Variants in GRIA2 observed in about 807,000 individuals in gnomAD.
GRIA2 encodes glutamate receptor 2.
A neutral mutation model predicts 97.3 loss-of-function variants in GRIA2; 14 were observed. That is an observed-to-expected ratio of 0.14 (90% CI 0.10 to 0.23). The LOEUF (loss-of-function observed/expected upper bound fraction) is 0.23, where lower values mean the gene tolerates loss of function less well. GRIA2 is among the 10% of genes least tolerant of loss of function. GRIA2 has a pLI of 1.00. For missense variants in GRIA2, 558 were observed against 1,069.8 expected, an observed-to-expected ratio of 0.52 and a Z score of 6.67; for synonymous variants, 412 against 387.8, an observed-to-expected ratio of 1.06 and a Z score of -0.73.
intron 2 of GRIA2, among the ~76,000 whole-genome samples, chr4:157,276,242 G>A (rs561168364): frequency 4.6e-5 from 7 of 152,054 alleles, no homozygotes; most frequent in Admixed American, 4.6e-4. Context: ...AAAGATAGCT[G>A]GAAAATCCCC....
intron 2 of GRIA2, among the ~76,000 whole-genome samples, chr4:157,223,112 A>T (rs1356562020): frequency 6.6e-6 from 1 of 152,182 alleles, no homozygotes; most frequent in Admixed American, 6.5e-5. Flanking sequence ...CCCACGTCAC[A>T]CAAACAACTG....
chr4:157,256,165 A>ATGTT (rs1731235529), intron 2 of GRIA2, among the ~76,000 whole-genome samples: 4 of 138,612 alleles, frequency 2.9e-5, no homozygotes, highest in African/African-American at 1.1e-4. Flanking sequence ...TTACATATAT[A>ATGTT]TGTTATATAT....
chr4:157,312,715 C>G lies in GRIA2; in HGVS notation c.506C>G (p.Ala169Gly). 6.2e-7 allele frequency: 1 copy of G among 1,610,568 alleles called. No homozygotes were observed. The highest frequency in any genetic ancestry group is 8.5e-7 in the Non-Finnish European group (1 of 1,177,836). The change falls in exon 4 of 16, where the codon GCT becomes GGT. Residue 169 changes from alanine to glycine, a missense_variant. By Grantham distance (60) the Ala-to-Gly change is moderately conservative (BLOSUM62 0). Coordinates refer to ENST00000264426, the MANE Select transcript of GRIA2 (RefSeq NM_001083619.3). The part of the protein sequence containing the change: ...STLQAVLDSA[A>G]EKKWQVTAIN... Reference sequence around the variant, plus strand: ...CTGCAAGCTGTGCTGGATTCTGCTGCTGAAAAGAAATGGCAAGTGACTGCT... The same window carrying G: ...CTGCAAGCTGTGCTGGATTCTGCTGGTGAAAAGAAATGGCAAGTGACTGCT...
Position 157,335,655 on chromosome 4 carries a change from A to C in GRIA2, c.1267-16A>C, listed in dbSNP as rs1735249401. 6.7e-7 allele frequency: 1 copy of C among 1,493,838 alleles called. No individual in the cohort carries two copies. Among genetic ancestry groups the C allele is most frequent in the Non-Finnish European group, 9.3e-7 (1 of 1,071,028 alleles). 92.5% of individuals were successfully genotyped at this position (1,493,838 alleles called of 1,614,324 possible). A position where few individuals can be genotyped will look rare whatever the true frequency, so the allele number is the denominator to read the frequency against. The stretch of plus-strand genomic sequence containing the variant: ...ACAGATATTTTAATCAGCTAAAGCA[A>C]AGTCTTTTCATATAGGAATCTCCGT... On this transcript the variant is annotated splice_polypyrimidine_tract_variant and intron_variant, in intron 9 of 15. Transcript: ENST00000264426.
intron 2 of GRIA2, among the ~76,000 whole-genome samples, chr4:157,233,521 G>A (rs1023824341): frequency 6.6e-6 from 1 of 152,098 alleles, no homozygotes; most frequent in Non-Finnish European, 1.5e-5. Flanking sequence ...AAATAGGTTT[G>A]AATGTAATTA....
chr4:157,268,250 A>G (rs1731859008), intron 2 of GRIA2, among the ~76,000 whole-genome samples: 1 of 152,054 alleles, frequency 6.6e-6, no homozygotes, highest in African/African-American at 2.4e-5. Context: ...ATAACAAGTT[A>G]CATATGCCCA....
intron 6 of GRIA2, among the ~76,000 whole-genome samples, chr4:157,327,773 A>C (rs934578812): frequency 6.6e-6 from 1 of 152,140 alleles, no homozygotes; most frequent in African/African-American, 2.4e-5. Flanking sequence ...CATTTTATTC[A>C]GGAAACAACT....
At chr4:157,278,318 C>T (rs1246611245) in intron 2 of GRIA2, among the ~76,000 whole-genome samples, 1 of 151,720 alleles carries the variant, frequency 6.6e-6, no homozygotes. Context: ...GCAATAGACT[C>T]ATATAAGTAT....
At chr4:157,309,971 G>A (rs796308497) in intron 3 of GRIA2, among the ~76,000 whole-genome samples, 18 of 152,300 alleles carry the variant, frequency 1.2e-4, no homozygotes, top group African/African-American at 4.3e-4. Flanking sequence ...ACAAGGGGGA[G>A]TTGAACCATG....
chr4:157,322,756 C>A (rs1370851701), intron 6 of GRIA2, among the ~76,000 whole-genome samples: 1 of 152,096 alleles, frequency 6.6e-6, no homozygotes, highest in Non-Finnish European at 1.5e-5. Context: ...AATTATAAAG[C>A]AATTGTATAT....
At chr4:157,277,912 A>ATATATGTATATATATATGTATATATGTG (rs1732420005) in intron 2 of GRIA2, among the ~76,000 whole-genome samples, 1 of 145,844 alleles carries the variant, frequency 6.9e-6, no homozygotes, top group South Asian at 2.1e-4. Context: ...GTATATATGT[A>ATATATGTATATATATATGTATATATGTG]TATATATGTA....
In GRIA2 at chr4:157,333,232, T is replaced by C; in HGVS notation, c.1051-17T>C. Reference sequence around the variant, plus strand: ...AAGTAAATATATAACTCTGCTGCTTTCCCATTTCTTCATTAGGTTCAGGTT... The same window carrying C: ...AAGTAAATATATAACTCTGCTGCTTCCCCATTTCTTCATTAGGTTCAGGTT... On this transcript the variant is annotated splice_polypyrimidine_tract_variant and intron_variant, in intron 7 of 15. Transcript: ENST00000264426. 7.2e-7 allele frequency: 1 copy of C among 1,390,948 alleles called. No individual in the cohort carries two copies. Among genetic ancestry groups the C allele is most frequent in the Non-Finnish European group, 1.0e-6 (1 of 990,844 alleles). 86.2% of individuals were successfully genotyped at this position (1,390,948 alleles called of 1,614,324 possible).
At chr4:157,288,841 T>C (rs776630130) in intron 2 of GRIA2, among the ~76,000 whole-genome samples, 2 of 151,894 alleles carry the variant, frequency 1.3e-5, no homozygotes, top group Middle Eastern at 3.4e-3. Flanking sequence ...TTTCTGGATG[T>C]TTTGAGGAAA....
rs1218106897 is a variant in GRIA2 at position 157,364,737 on chromosome 4, T to TTA, written c.*1312_*1313dup. On this transcript the variant is annotated 3_prime_UTR_variant, in exon 16 of 16. Coordinates refer to ENST00000264426, the MANE Select transcript of GRIA2 (RefSeq NM_001083619.3). ...AAAATTATAAAAGCTGTCATAAACT[T>TTA]TATATATTATGAATTTTAAAATATG... The TTA allele has an allele frequency of 6.6e-6, 1 of 152,140 alleles. No individual in the cohort carries two copies. The highest frequency in any genetic ancestry group is 2.1e-4 in the South Asian group (1 of 4,830). The allele number at this position is 152,140 out of a possible 1,614,324, so 9.4% of individuals were successfully genotyped here. A position where few individuals can be genotyped will look rare whatever the true frequency, so the allele number is the denominator to read the frequency against.
At chr4:157,353,659 G>C (rs1025002488) in intron 12 of GRIA2, among the ~76,000 whole-genome samples, 1 of 151,898 alleles carries the variant, frequency 6.6e-6, no homozygotes, top group African/African-American at 2.4e-5. Flanking sequence ...CTCCAGCCTG[G>C]GCTACAGAGC....
intron 2 of GRIA2, among the ~76,000 whole-genome samples, chr4:157,248,599 A>ACT (rs1314795836): frequency 4.8e-4 from 1 of 2,104 alleles, no homozygotes; most frequent in Non-Finnish European, 1.1e-3. Context: ...ATATGTATAT[A>ACT]TATGTATATA....
chr4:157,317,003 G>A (rs950828892), intron 4 of GRIA2, among the ~76,000 whole-genome samples: 1 of 152,082 alleles, frequency 6.6e-6, no homozygotes, highest in Admixed American at 6.6e-5. Flanking sequence ...TGTTTATCTT[G>A]ACATTCATTT....
At chr4:157,317,199 A>G (rs1734362356) in intron 4 of GRIA2, among the ~76,000 whole-genome samples, 1 of 152,214 alleles carries the variant, frequency 6.6e-6, no homozygotes, top group African/African-American at 2.4e-5. Context: ...ATGTAGTACT[A>G]TAAACTCTAG....
At chr4:157,328,199 G>T (rs926229332) in intron 6 of GRIA2, among the ~76,000 whole-genome samples, 3 of 151,750 alleles carry the variant, frequency 2.0e-5, no homozygotes, top group Non-Finnish European at 2.9e-5. Flanking sequence ...TTAATTCAGG[G>T]CATCTCACAT....
Sources: allele counts gnomAD v4.1 joint callset (sites outside exome capture counted in the v4.1 genomes callset), GRCh38; gene constraint gnomAD v4.1.1; transcripts MANE v1.5; gene names NCBI Gene and HGNC (gene_info 2026-07-23, HGNC 2026-07-21).